Variants in UGT2A2 observed in about 807,000 individuals in gnomAD.
The protein encoded by UGT2A2 is UDP glucuronosyltransferase family 2 member A2.
Under a neutral mutation model 50.7 loss-of-function variants are expected in UGT2A2, and 60 were observed. That is an observed-to-expected ratio of 1.18 (90% confidence interval 0.96 to 1.47). UGT2A2 has a LOEUF of 1.47. Among genes scored for constraint, UGT2A2 ranks in the 40% most tolerant of loss-of-function variants. The pLI is 0.00. For synonymous variants in UGT2A2, 242 were observed against 214.6 expected (o/e 1.13, Z -1.11); for missense variants, 762 against 634.0 (o/e 1.20, Z -2.17).
intron 1 of UGT2A2, among the ~76,000 whole-genome samples, chr4:69,632,730 A>G (rs1721455817): frequency 6.6e-6 from 1 of 152,020 alleles, no homozygotes; most frequent in Non-Finnish European, 1.5e-5. Context: ...TCTATTAAAA[A>G]TACAAAAATT....
At chr4:69,609,155 A>ACTTT (rs1553904679) in intron 1 of UGT2A2, among the ~76,000 whole-genome samples, 1 of 142,272 alleles carries the variant, frequency 7.0e-6, no homozygotes, top group Non-Finnish European at 1.5e-5. Context: ...AATATATAAG[A>ACTTT]TTTTTTTTTT....
At chr4:69,630,109 A>G (rs1035159199) in intron 1 of UGT2A2, among the ~76,000 whole-genome samples, 4 of 152,082 alleles carry the variant, frequency 2.6e-5, no homozygotes, top group Admixed American at 2.0e-4. Context: ...AAAAGATTAT[A>G]TTAAAATATA....
chr4:69,617,187 C>T (rs1245499469), intron 1 of UGT2A2, among the ~76,000 whole-genome samples: 1 of 151,842 alleles, frequency 6.6e-6, no homozygotes, highest in Non-Finnish European at 1.5e-5. Context: ...AATGTGCATC[C>T]TTTGGCAGTT....
In UGT2A2 at chr4:69,626,352, C is replaced by CA. The variant is rs985337760; in HGVS notation, c.742+12546dup. Among the ~76,000 whole-genome samples the CA allele has an allele frequency of 6.5e-4, 94 of 143,732 alleles. 1 individual carries two copies. Among genetic ancestry groups the CA allele is most frequent in the East Asian group, 4.0e-3 (20 of 4,974 alleles). 94.3% of individuals were successfully genotyped at this position (143,732 alleles called of 152,430 possible). On this transcript the variant is annotated intron_variant, in intron 1 of 5. Transcript: ENST00000604629. ...GATGTTTGGAGACCTTTAACCATGG[C>CA]AAAAAAAAAACTATATACATATGTA...
intron 5 of UGT2A2, 59 bp from the exon 6 acceptor site, chr4:69,589,710 A>C (rs1162928437): frequency 1.3e-6 from 2 of 1,556,844 alleles, no homozygotes; most frequent in African/African-American, 1.4e-5. Context: ...TTCATTGAAG[A>C]TAAATATGTG....
At chr4:69,621,957 G>A (rs1720781076) in intron 1 of UGT2A2, among the ~76,000 whole-genome samples, 1 of 151,790 alleles carries the variant, frequency 6.6e-6, no homozygotes, top group Non-Finnish European at 1.5e-5. Flanking sequence ...GCTAAATGAT[G>A]AGAACTCATG....
At chr4:69,608,942 T>C (rs1239512704) in intron 1 of UGT2A2, among the ~76,000 whole-genome samples, 11 of 152,260 alleles carry the variant, frequency 7.2e-5, no homozygotes, top group Middle Eastern at 3.4e-3. Flanking sequence ...TAAGACAGCA[T>C]AAAAATCCTT....
chr4:69,602,339 TA>T lies in UGT2A2; in HGVS notation c.743-2946del, dbSNP rs780597981. ...AAATGTAACCTTTATGTTAAAATAGTAAGAGCATTCTTATCAAGACGAAAAA... is the reference window on the plus strand; with the variant it reads ...AAATGTAACCTTTATGTTAAAATAGTAGAGCATTCTTATCAAGACGAAAAA... On this transcript the variant is annotated intron_variant, in intron 1 of 5. Coordinates refer to ENST00000604629, the MANE Select transcript of UGT2A2 (RefSeq NM_001105677.2). 5.1e-5 allele frequency among the ~76,000 whole-genome samples: 7 copies of T among 137,474 alleles called. 1 individual carries two copies. The highest frequency in any genetic ancestry group is 9.3e-5 in the Non-Finnish European group (6 of 64,362). 90.2% of individuals were successfully genotyped at this position (137,474 alleles called of 152,430 possible).
chr4:69,610,345 G>C (rs1434412423), intron 1 of UGT2A2, among the ~76,000 whole-genome samples: 2 of 151,922 alleles, frequency 1.3e-5, no homozygotes, highest in East Asian at 3.9e-4. Context: ...ACATTTTCTG[G>C]GGCAGGGTAC....
intron 1 of UGT2A2, among the ~76,000 whole-genome samples, chr4:69,613,253 T>A (rs6848997): frequency 6.6e-6 from 1 of 151,762 alleles, no homozygotes; most frequent in Admixed American, 6.6e-5. Flanking sequence ...AACAGATACC[T>A]AGACATATAT....
At chr4:69,590,692 A>G (rs1718545674) in intron 5 of UGT2A2, among the ~76,000 whole-genome samples, 1 of 151,998 alleles carries the variant, frequency 6.6e-6, no homozygotes, top group East Asian at 1.9e-4. Context: ...GAAAAAGAAT[A>G]TAAGTAAGTA....
chr4:69,599,199 G>A (rs777527649), intron 2 of UGT2A2, 47 bp downstream of exon 2: 1 of 1,549,292 alleles, frequency 6.5e-7, no homozygotes, highest in African/African-American at 1.4e-5. Context: ...AGAAAATTAA[G>A]TATTTTATTA....
At chr4:69,630,520 A>G (rs1721324559) in intron 1 of UGT2A2, among the ~76,000 whole-genome samples, 2 of 152,064 alleles carry the variant, frequency 1.3e-5, no homozygotes, top group African/African-American at 2.4e-5. Flanking sequence ...ATATTTACAC[A>G]TTGTACTCTA....
chr4:69,614,369 G>A (rs913521358), intron 1 of UGT2A2, among the ~76,000 whole-genome samples: 10 of 151,838 alleles, frequency 6.6e-5, no homozygotes, highest in Non-Finnish European at 1.2e-4. Context: ...TAGAGGAATC[G>A]AAAGCATTAA....
intron 1 of UGT2A2, chr4:69,635,766 G>A (rs1721645886): frequency 5.0e-6 from 1 of 200,026 alleles, no homozygotes; most frequent in Non-Finnish European, 1.0e-5. Context: ...AGCAGAGGTT[G>A]CAGTGAGCCA....
chr4:69,621,180 C>T (rs1313238921), intron 1 of UGT2A2, among the ~76,000 whole-genome samples: 5 of 151,954 alleles, frequency 3.3e-5, no homozygotes, highest in Non-Finnish European at 7.4e-5. Flanking sequence ...AGCTTCTGCA[C>T]AGCAAAATAA....
At position 69,599,288 on chromosome 4, in the gene UGT2A2, A is replaced by C. The variant is rs1354188195; in HGVS notation, c.849T>G (p.Phe283Leu). The stretch of plus-strand genomic sequence containing the variant: ...CAGGTTTGCAGTGCAATCCTCCAAC[A>C]AACTCAAAATTAGGTAAGTATGGAC... ...FPRPYLPNFE[F>L]VGGLHCKPAK... The change falls in exon 2 of 6, where the codon TTT becomes TTG. Residue 283 changes from phenylalanine (F) to leucine (L), a missense_variant. Transcript: ENST00000604629. 1 of 1,613,888 alleles carries C rather than the reference A, an allele frequency of 6.2e-7. No individual in the cohort carries two copies.
intron 1 of UGT2A2, among the ~76,000 whole-genome samples, chr4:69,637,733 T>C (rs1200470986): frequency 6.6e-6 from 1 of 152,144 alleles, no homozygotes; most frequent in Non-Finnish European, 1.5e-5. Context: ...TCTCCTCTCA[T>C]GAGAATGTAA....
intron 5 of UGT2A2, among the ~76,000 whole-genome samples, chr4:69,591,675 G>A (rs1423119991): frequency 6.6e-6 from 1 of 152,140 alleles, no homozygotes; most frequent in Non-Finnish European, 1.5e-5. Flanking sequence ...TGAGGAGGAA[G>A]TCCATTTGGA....
Sources: allele counts gnomAD v4.1 joint callset (sites outside exome capture counted in the v4.1 genomes callset), GRCh38; gene constraint gnomAD v4.1.1; transcripts MANE v1.5; gene names NCBI Gene and HGNC (gene_info 2026-07-23, HGNC 2026-07-21).